The following NRG1 variants were observed in gnomAD, a reference collection of about 807,000 sequenced individuals.
The protein encoded by NRG1 is pro-neuregulin-1, membrane-bound isoform.
Under a neutral mutation model 63.8 loss-of-function variants are expected in NRG1, and 18 were observed. The observed-to-expected ratio is 0.28, with a 90% CI of 0.19 to 0.42. The LOEUF is 0.42. Ranked by LOEUF, NRG1 falls within the 10% of genes least tolerant of loss-of-function variation. NRG1 has a pLI of 1.00. For missense variants in NRG1, 762 were observed against 814.7 expected, an observed-to-expected ratio of 0.94 and a Z score of 0.79; for synonymous variants, 302 against 301.3, an observed-to-expected ratio of 1.00 and a Z score of -0.02.
At chr8:31,794,251 A>G (rs1356733045) in intron 1 of NRG1, among the ~76,000 whole-genome samples, 1 of 152,110 alleles carries the variant, frequency 6.6e-6, no homozygotes, top group African/African-American at 2.4e-5. Context: ...TTCTCTCTAC[A>G]GTAATGAGAT....
At chr8:31,805,546 C>T (rs1478349741) in intron 1 of NRG1, among the ~76,000 whole-genome samples, 2 of 151,682 alleles carry the variant, frequency 1.3e-5, no homozygotes, top group Non-Finnish European at 2.9e-5. Flanking sequence ...AAGTGAATAC[C>T]GGCCGGGCGC....
At position 32,354,712 on chromosome 8, in the gene NRG1, G is replaced by GTAAATAAA. The variant is rs10569340; in HGVS notation, c.38-241082_38-241075dup. ...GAGACATAGCAAGATCTTGTCTCTA[G>GTAAATAAA]TAAATAAATAAATAAATAAATAAAT... is the stretch of plus-strand genomic sequence containing the variant. On this transcript the variant is annotated intron_variant, in intron 1 of 10. Coordinates refer to the NRG1 transcript ENST00000519301. 8.0e-3 allele frequency among the ~76,000 whole-genome samples: 1,136 copies of GTAAATAAA among 142,486 alleles called. 6 individuals are homozygous for GTAAATAAA. Among genetic ancestry groups the GTAAATAAA allele is most frequent in the Middle Eastern group, 0.026 (7 of 268 alleles). 93.5% of individuals were successfully genotyped at this position (142,486 alleles called of 152,430 possible).
At chr8:31,975,028 G>A (rs1807927440) in intron 1 of NRG1, among the ~76,000 whole-genome samples, 1 of 152,114 alleles carries the variant, frequency 6.6e-6, no homozygotes, top group Non-Finnish European at 1.5e-5. Flanking sequence ...AGCAGGACTA[G>A]GTTCTGGGTC....
intron 2 of NRG1, among the ~76,000 whole-genome samples, chr8:32,596,760 T>A (rs1843444324): frequency 6.6e-6 from 1 of 152,196 alleles, no homozygotes; most frequent in South Asian, 2.1e-4. Context: ...ATTCAGACTA[T>A]TTTTTAACAA....
At chr8:32,275,348 A>G (rs1244259272) in intron 1 of NRG1, among the ~76,000 whole-genome samples, 2 of 152,098 alleles carry the variant, frequency 1.3e-5, no homozygotes, top group African/African-American at 4.8e-5. Flanking sequence ...CTGGAGACAG[A>G]CGGTAAGAAT....
At chr8:32,272,981 T>C (rs1851705401) in intron 1 of NRG1, among the ~76,000 whole-genome samples, 2 of 152,222 alleles carry the variant, frequency 1.3e-5, no homozygotes, top group Non-Finnish European at 2.9e-5. Flanking sequence ...CGTTGTTTTT[T>C]GATTGACAAA....
intron 1 of NRG1, among the ~76,000 whole-genome samples, chr8:32,141,626 A>ATATC: frequency 7.9e-6 from 1 of 126,776 alleles, no homozygotes; most frequent in East Asian, 2.2e-4. Flanking sequence ...ATATATATAT[A>ATATC]TATGAATGAT....
At chr8:32,250,021 T>C (rs1848939491) in intron 1 of NRG1, among the ~76,000 whole-genome samples, 1 of 152,002 alleles carries the variant, frequency 6.6e-6, no homozygotes, top group African/African-American at 2.4e-5. Flanking sequence ...GTTTGGGCCT[T>C]TGCATTAGTT....
chr8:31,699,541 C>G (rs544133512), intron 1 of NRG1, among the ~76,000 whole-genome samples: 1 of 152,080 alleles, frequency 6.6e-6, no homozygotes, highest in Non-Finnish European at 1.5e-5. Flanking sequence ...TGGCGATTTT[C>G]TTTTTCTTAC....
intron 1 of NRG1, among the ~76,000 whole-genome samples, chr8:31,651,450 T>C (rs769512406): frequency 9.9e-5 from 15 of 152,212 alleles, no homozygotes; most frequent in Non-Finnish European, 1.9e-4. Flanking sequence ...GGCATTGTTT[T>C]AGGTTCTAAT....
chr8:31,801,602 G>A (rs1821793572), intron 1 of NRG1, among the ~76,000 whole-genome samples: 1 of 152,118 alleles, frequency 6.6e-6, no homozygotes, highest in African/African-American at 2.4e-5. Flanking sequence ...CTGGCTTTGA[G>A]CCTCTGATTC....
At chr8:32,069,458 C>T (rs1825413413) in intron 1 of NRG1, among the ~76,000 whole-genome samples, 1 of 152,144 alleles carries the variant, frequency 6.6e-6, no homozygotes, top group African/African-American at 2.4e-5. Context: ...AATGCTTATA[C>T]TTTGAAAAGT....
intron 1 of NRG1, among the ~76,000 whole-genome samples, chr8:31,719,118 T>C (rs1812653088): frequency 6.6e-6 from 1 of 152,188 alleles, no homozygotes; most frequent in Non-Finnish European, 1.5e-5. Flanking sequence ...GGTAATCTGG[T>C]AGGTGGCCAT....
intron 1 of NRG1, among the ~76,000 whole-genome samples, chr8:32,313,059 A>G (rs1857003055): frequency 6.6e-6 from 1 of 152,186 alleles, no homozygotes; most frequent in South Asian, 2.1e-4. Context: ...AGGCTGAGGC[A>G]GGAGAATTGC....
intron 1 of NRG1, among the ~76,000 whole-genome samples, chr8:32,077,429 T>G (rs1016657189): frequency 1.8e-4 from 27 of 152,196 alleles, no homozygotes; most frequent in African/African-American, 6.5e-4. Context: ...TACCTGCATT[T>G]CTGAAGCTAG....
chr8:32,652,202 G>A (rs1226339598), intron 5 of NRG1, among the ~76,000 whole-genome samples: 2 of 152,162 alleles, frequency 1.3e-5, no homozygotes, highest in African/African-American at 4.8e-5. Flanking sequence ...AGTACTTTAA[G>A]TGGGACCACT....
chr8:32,738,238 G>C (rs1825569216), intron 6 of NRG1, among the ~76,000 whole-genome samples: 1 of 152,230 alleles, frequency 6.6e-6, no homozygotes, highest in African/African-American at 2.4e-5. Context: ...CCAGAGCATA[G>C]AAGTGGGTGA....
intron 3 of NRG1, among the ~76,000 whole-genome samples, chr8:32,610,106 T>C (rs887503439): frequency 6.6e-6 from 1 of 152,224 alleles, no homozygotes; most frequent in Non-Finnish European, 1.5e-5. Flanking sequence ...TCAGTCACTT[T>C]ATTAATTTCA....
chr8:31,935,919 C>G (rs781736975), intron 1 of NRG1, among the ~76,000 whole-genome samples: 1 of 152,110 alleles, frequency 6.6e-6, no homozygotes, highest in Non-Finnish European at 1.5e-5. Flanking sequence ...TTGAAGGCTT[C>G]CACCTGCTCT....
Sources: allele counts gnomAD v4.1 joint callset (sites outside exome capture counted in the v4.1 genomes callset), GRCh38; gene constraint gnomAD v4.1.1; transcripts MANE v1.5; gene names NCBI Gene and HGNC (gene_info 2026-07-23, HGNC 2026-07-21).